EGFR: variants seen among roughly 807,000 people sequenced by gnomAD.
The protein encoded by EGFR is avian erythroblastic leukemia viral (v-erb-b) oncogene homolog.
In EGFR, 58 loss-of-function variants were observed where a neutral mutation model predicts 143.0. The observed-to-expected ratio is 0.41, with a 90% confidence interval of 0.33 to 0.50. The LOEUF is 0.50. EGFR is among the 20% of genes least tolerant of loss of function. The pLI is 0.39. For missense variants in EGFR, 1,307 were observed against 1,579.0 expected (o/e 0.83, Z 2.92); for synonymous variants, 613 against 594.4 (o/e 1.03, Z -0.45).
chr7:55,155,209 A>C (rs1785351756), intron 7 of EGFR, among the ~76,000 whole-genome samples: 1 of 152,212 alleles, frequency 6.6e-6, no homozygotes, highest in African/African-American at 2.4e-5. Flanking sequence ...TGGGAGACTG[A>C]AGGGGCTGGA....
chr7:55,051,505 G>A lies in EGFR; in HGVS notation c.88+32140G>A, dbSNP rs534229416. On this transcript the variant is annotated intron_variant, in intron 1 of 27. Coordinates refer to ENST00000275493, the MANE Select transcript of EGFR (RefSeq NM_005228.5). ...TCTTGCTTTTCTGCCTTCTGCCGTG[G>A]GGTGACACAGCAAGAAGACCCTCCC... is the stretch of plus-strand genomic sequence containing the variant. 9.2e-5 allele frequency among the ~76,000 whole-genome samples: 8 copies of A among 87,004 alleles called. No individual in the cohort carries two copies. In the South Asian group the frequency reaches 3.5e-3, roughly 38 times the overall value. The allele number at this position is 87,004 out of a possible 152,430, so 57.1% of individuals were successfully genotyped here. A position where few individuals can be genotyped will look rare whatever the true frequency, so the allele number is the denominator to read the frequency against.
intron 7 of EGFR, among the ~76,000 whole-genome samples, chr7:55,155,301 G>A (rs113033503): frequency 1.4e-4 from 22 of 152,190 alleles, no homozygotes; most frequent in Admixed American, 1.4e-3. Flanking sequence ...AATTAGCCGG[G>A]CGTGGTGGCG....
At chr7:55,094,828 T>C (rs1791346152) in intron 1 of EGFR, among the ~76,000 whole-genome samples, 1 of 152,222 alleles carries the variant, frequency 6.6e-6, no homozygotes, top group Non-Finnish European at 1.5e-5. Context: ...TCCTGCTCTT[T>C]TGCAGGTAAA....
In EGFR at chr7:55,173,287, T is replaced by A. The variant is rs574207149; in HGVS notation, c.2061+163T>A. ...GCAGTTATACCCAGTTGGTGACATGTTGGTACATCCATCCGAGGAAATGGC... is the reference window on the plus strand; with the variant it reads ...GCAGTTATACCCAGTTGGTGACATGATGGTACATCCATCCGAGGAAATGGC... On this transcript the variant is annotated intron_variant, in intron 17 of 27. Transcript: ENST00000275493. Among the ~76,000 whole-genome samples the A allele has an allele frequency of 1.3e-3, 191 of 152,370 alleles. 1 individual carries two copies. The highest frequency in any genetic ancestry group is 4.4e-3 in the African/African-American group (182 of 41,598).
intron 1 of EGFR, among the ~76,000 whole-genome samples, chr7:55,113,395 C>A (rs1478166338): frequency 1.3e-5 from 2 of 152,134 alleles, no homozygotes; most frequent in Non-Finnish European, 2.9e-5. Flanking sequence ...CAGGAAATTT[C>A]CTTCTTTTTT....
intron 1 of EGFR, among the ~76,000 whole-genome samples, chr7:55,135,462 C>A (rs1488851845): frequency 3.3e-5 from 5 of 151,936 alleles, no homozygotes; most frequent in African/African-American, 1.2e-4. Flanking sequence ...TGACAGGTAT[C>A]TTTGGATGCC....
intron 22 of EGFR, among the ~76,000 whole-genome samples, chr7:55,194,719 C>A (rs995203441): frequency 2.0e-5 from 3 of 152,186 alleles, no homozygotes; most frequent in Non-Finnish European, 4.4e-5. Context: ...GAAGCCCTCT[C>A]AAAGTCAGTG....
At chr7:55,181,516 G>A (rs1786878095) in intron 20 of EGFR, 38 bp downstream of exon 20, 2 of 1,613,822 alleles carry the variant, frequency 1.2e-6, no homozygotes, top group Non-Finnish European at 1.7e-6. Flanking sequence ...GGGAGATAAG[G>A]AGCCAGGATC....
At chr7:55,020,010 C>T (rs1201387945) in intron 1 of EGFR, among the ~76,000 whole-genome samples, 3 of 152,238 alleles carry the variant, frequency 2.0e-5, no homozygotes, top group Non-Finnish European at 4.4e-5. Context: ...GATCCTCGTT[C>T]CCCAGTGTGG....
intron 1 of EGFR, 140 bp downstream of exon 1, chr7:55,019,505 G>T (rs1020529093): frequency 1.7e-5 from 6 of 353,276 alleles, no homozygotes; most frequent in Non-Finnish European, 2.6e-5. Flanking sequence ...GATCAGCTGC[G>T]CCGCCGACCG....
At chr7:55,025,109 A>G (rs964615073) in intron 1 of EGFR, among the ~76,000 whole-genome samples, 3 of 152,246 alleles carry the variant, frequency 2.0e-5, no homozygotes, top group Non-Finnish European at 4.4e-5. Flanking sequence ...TACAGTTCAC[A>G]GAGAGCTCCA....
chr7:55,131,807 A>G (rs994076991), intron 1 of EGFR, among the ~76,000 whole-genome samples: 6 of 152,144 alleles, frequency 3.9e-5, no homozygotes, highest in African/African-American at 1.4e-4. Flanking sequence ...GTCAGCATTC[A>G]GAGACATTCA....
chr7:55,200,668 G>A (rs1787808379), intron 24 of EGFR: 1 of 566,888 alleles, frequency 1.8e-6, no homozygotes, highest in Non-Finnish European at 3.2e-6. Flanking sequence ...TCACTGTCCG[G>A]CTAGCCAAAG....
chr7:55,069,858 C>A (rs1204710526), intron 1 of EGFR, among the ~76,000 whole-genome samples: 1 of 152,286 alleles, frequency 6.6e-6, no homozygotes, highest in East Asian at 1.9e-4. Flanking sequence ...TGTGATAACC[C>A]ACTAATCATC....
chr7:55,039,007 A>G (rs566329607), intron 1 of EGFR, among the ~76,000 whole-genome samples: 2 of 151,164 alleles, frequency 1.3e-5, no homozygotes, highest in East Asian at 3.9e-4. Flanking sequence ...CCAGTTAGTA[A>G]TTGCCAGAGG....
At chr7:55,147,527 A>T (rs959150608) in intron 4 of EGFR, among the ~76,000 whole-genome samples, 1 of 150,594 alleles carries the variant, frequency 6.6e-6, no homozygotes, top group Non-Finnish European at 1.5e-5. Flanking sequence ...AAAAAAAAAT[A>T]GAGCTGACGT....
intron 1 of EGFR, among the ~76,000 whole-genome samples, chr7:55,100,545 C>T (rs1791750240): frequency 6.6e-6 from 1 of 152,246 alleles, no homozygotes; most frequent in South Asian, 2.1e-4. Flanking sequence ...TATCTAAGAG[C>T]TACTGCAGCT....
intron 1 of EGFR, among the ~76,000 whole-genome samples, chr7:55,030,044 A>T (rs918795848): frequency 1.3e-5 from 2 of 152,138 alleles, no homozygotes; most frequent in Non-Finnish European, 2.9e-5. Flanking sequence ...CAGGATTGGG[A>T]TAGCTTTCCA....
chr7:55,087,918 G>A (rs1232485643), intron 1 of EGFR, among the ~76,000 whole-genome samples: 1 of 152,138 alleles, frequency 6.6e-6, no homozygotes, highest in Non-Finnish European at 1.5e-5. Flanking sequence ...GAGTCACTTT[G>A]GGCCTTCTTA....
Sources: gnomAD v4.1 joint callset for allele counts (sites outside exome capture counted in the v4.1 genomes callset) on GRCh38, gnomAD v4.1.1 for gene constraint, MANE v1.5 for transcripts, NCBI Gene and HGNC (gene_info 2026-07-23, HGNC 2026-07-21) for gene names.